Variants in FSD1L observed in about 807,000 individuals in gnomAD.
The protein encoded by FSD1L is fibronectin type III and SPRY domain containing 1 like, also known as FSD1-like protein.
FSD1L carries 45 observed loss-of-function variants against 71.6 expected under a neutral mutation model. The observed-to-expected ratio is 0.63, with a 90% CI of 0.49 to 0.81. The LOEUF is 0.81. Ranked by LOEUF, FSD1L falls within the 30% of genes least tolerant of loss-of-function variation. The pLI, the probability that FSD1L is intolerant of heterozygous loss-of-function variation, is 0.00. For synonymous variants in FSD1L, 197 were observed against 207.2 expected (o/e 0.95, Z 0.42); for missense variants, 561 against 618.1 (o/e 0.91, Z 0.98).
chr9:105,490,897 T>C (rs2131743424), intron 7 of FSD1L, among the ~76,000 whole-genome samples: 1 of 143,288 alleles, frequency 7.0e-6, no homozygotes, highest in African/African-American at 2.6e-5. Context: ...CATGCTGTTT[T>C]GGTTACTGTA....
intron 7 of FSD1L, among the ~76,000 whole-genome samples, chr9:105,488,514 G>A (rs1262034378): frequency 1.3e-5 from 2 of 152,130 alleles, no homozygotes; most frequent in Non-Finnish European, 2.9e-5. Context: ...GTAGACATAA[G>A]TTTTCAACTC....
At chr9:105,445,339 A>C (rs1829619764), upstream of FSD1L, among the ~76,000 whole-genome samples, 1 of 152,176 alleles carries the variant, frequency 6.6e-6, no homozygotes, top group Non-Finnish European at 1.5e-5. Flanking sequence ...ATGTTGTCAA[A>C]AGCTGCAGTC....
In FSD1L at chr9:105,551,229, A is replaced by G. The variant is rs1001832674; in HGVS notation, c.*4746A>G. On this transcript the variant is annotated 3_prime_UTR_variant, in exon 14 of 14. Coordinates refer to ENST00000481272, the MANE Select transcript of FSD1L (RefSeq NM_001145313.3). ...ATACTATAAGACAGATAATAGCTAA[A>G]GTTTTGGAATAATTTATATTAAAAG... is the stretch of plus-strand genomic sequence containing the variant. The G allele has an allele frequency of 6.6e-6, 1 of 152,098 alleles. No individual in the cohort carries two copies. Among genetic ancestry groups the G allele is most frequent in the Non-Finnish European group, 1.5e-5 (1 of 68,000 alleles). 9.4% of individuals were successfully genotyped at this position (152,098 alleles called of 1,614,324 possible).
At chr9:105,495,528 G>A (rs1054918903) in intron 7 of FSD1L, among the ~76,000 whole-genome samples, 11 of 152,160 alleles carry the variant, frequency 7.2e-5, no homozygotes, top group African/African-American at 2.7e-4. Flanking sequence ...CCACTGTCTG[G>A]CACTCCCTAG....
intron 5 of FSD1L, chr9:105,472,818 A>T (rs756273386): frequency 4.6e-5 from 7 of 152,196 alleles, no homozygotes; most frequent in Admixed American, 1.3e-4. Flanking sequence ...TTGGATATTA[A>T]AATTGAACTT....
At chr9:105,451,957 A>T (rs912641292) in intron 1 of FSD1L, among the ~76,000 whole-genome samples, 1 of 152,168 alleles carries the variant, frequency 6.6e-6, no homozygotes, top group Non-Finnish European at 1.5e-5. Flanking sequence ...AGCTCAGAGG[A>T]AGGAAGTCAC....
chr9:105,521,747 G>T, intron 10 of FSD1L: 1 of 1,612,890 alleles, frequency 6.2e-7, no homozygotes, highest in Non-Finnish European at 8.5e-7. Flanking sequence ...ATTCCAGTTG[G>T]GCAAAAAACG....
chr9:105,532,297 G>A (rs1052458803), intron 10 of FSD1L, among the ~76,000 whole-genome samples: 4 of 152,130 alleles, frequency 2.6e-5, no homozygotes, highest in Non-Finnish European at 5.9e-5. Context: ...CTATCAGCTT[G>A]TATAAAATGA....
At chr9:105,446,201 T>C (rs2812303), upstream of FSD1L, among the ~76,000 whole-genome samples, 103,194 of 152,062 alleles carry the variant, frequency 0.68, 35,371 homozygotes, top group African/African-American at 0.76. Context: ...GAGCTCCTTC[T>C]CTCCACAAGG....
intron 12 of FSD1L, among the ~76,000 whole-genome samples, chr9:105,537,273 G>A (rs2518110): frequency 0.11 from 16,605 of 151,964 alleles, 1,182 homozygotes; most frequent in Admixed American, 0.21. Context: ...AAATAATTCC[G>A]TGAGCTGTCA....
chr9:105,490,686 G>C (rs539749297), intron 7 of FSD1L, among the ~76,000 whole-genome samples: 1 of 132,504 alleles, frequency 7.5e-6, no homozygotes, highest in Non-Finnish European at 1.6e-5. Context: ...TTTTGTATAA[G>C]GTGTAAGGAA....
At chr9:105,521,094 A>G (rs1835121450) in intron 10 of FSD1L, 3 of 1,613,708 alleles carry the variant, frequency 1.9e-6, no homozygotes, top group Admixed American at 1.7e-5. Flanking sequence ...TTATGTCATG[A>G]TAAAGAAAGA....
chr9:105,522,168 C>T (rs527867064), intron 10 of FSD1L: 60 of 1,613,962 alleles, frequency 3.7e-5, no homozygotes, highest in East Asian at 3.3e-4. Context: ...GTACATCTCC[C>T]GAGAACTTTG....
chr9:105,533,287 A>G (rs1257470960), intron 10 of FSD1L, among the ~76,000 whole-genome samples: 1 of 151,990 alleles, frequency 6.6e-6, no homozygotes, highest in Non-Finnish European at 1.5e-5. Flanking sequence ...CCAATACTCC[A>G]GTTTTCCATA....
the FSD1L span, among the ~76,000 whole-genome samples, chr9:105,442,715 C>T: frequency 1.3e-5 from 2 of 151,990 alleles, no homozygotes; most frequent in African/African-American, 2.4e-5. Flanking sequence ...GTTATTTCTA[C>T]CAGGTACCCT....
At chr9:105,501,136 T>A (rs544976967) in intron 7 of FSD1L, among the ~76,000 whole-genome samples, 5 of 152,228 alleles carry the variant, frequency 3.3e-5, no homozygotes, top group Non-Finnish European at 4.4e-5. Context: ...TGAAGTAACT[T>A]AGGCTTATTT....
chr9:105,452,730 C>CCTCCT (rs1240355554), intron 1 of FSD1L, among the ~76,000 whole-genome samples: 3 of 150,212 alleles, frequency 2.0e-5, no homozygotes, highest in Non-Finnish European at 4.4e-5. Context: ...TTCCTTCTTT[C>CCTCCT]CTCCTCTCCT....
chr9:105,527,637 T>C (rs1835597712), intron 10 of FSD1L, among the ~76,000 whole-genome samples: 1 of 151,758 alleles, frequency 6.6e-6, no homozygotes, highest in African/African-American at 2.4e-5. Context: ...TCACGTAGTA[T>C]CTATAATTTG....
At chr9:105,516,956 A>G (rs1474543053) in intron 10 of FSD1L, among the ~76,000 whole-genome samples, 2 of 152,242 alleles carry the variant, frequency 1.3e-5, no homozygotes, top group African/African-American at 4.8e-5. Context: ...GCTAACTAGA[A>G]TAACCAGTTT....
Sources: allele counts gnomAD v4.1 joint callset (sites outside exome capture counted in the v4.1 genomes callset), GRCh38; gene constraint gnomAD v4.1.1; transcripts MANE v1.5; gene names NCBI Gene and HGNC (gene_info 2026-07-23, HGNC 2026-07-21).